The following FHL2 variants were observed in gnomAD, a reference collection of about 807,000 sequenced individuals.
The protein encoded by FHL2 is four and a half LIM domains 2.
In FHL2, 20 loss-of-function variants were observed where a neutral mutation model predicts 32.7. The observed-to-expected ratio is 0.61, with a 90% confidence interval of 0.43 to 0.89. The LOEUF is 0.89. Ranked by LOEUF, FHL2 falls within the 40% of genes least tolerant of loss-of-function variation. The probability of loss-of-function intolerance (pLI) is 0.00; values close to 1 mark genes in which losing one functional copy is unlikely to be tolerated. For synonymous variants in FHL2, 123 were observed against 128.1 expected, an observed-to-expected ratio of 0.96 and a Z score of 0.27; for missense variants, 311 against 358.6, an observed-to-expected ratio of 0.87 and a Z score of 1.07.
intron 2 of FHL2, among the ~76,000 whole-genome samples, chr2:105,391,115 G>A (rs1294970635): frequency 7.2e-5 from 11 of 152,018 alleles, no homozygotes; most frequent in Non-Finnish European, 1.6e-4. Flanking sequence ...TTACAGTCAT[G>A]AGCCACTTGC....
chr2:105,380,502 T>TA (rs1235692813), intron 3 of FHL2, among the ~76,000 whole-genome samples: 1 of 152,170 alleles, frequency 6.6e-6, no homozygotes, highest in African/African-American at 2.4e-5. Flanking sequence ...GTGCTGGAAT[T>TA]ACAGGCATGA....
In FHL2 at chr2:105,386,465, T is replaced by G; in HGVS notation, c.52A>C (p.Lys18Gln). The G allele has an allele frequency of 1.9e-6, 3 of 1,614,234 alleles. No homozygotes were observed. Among genetic ancestry groups the G allele is most frequent in the Non-Finnish European group, 2.5e-6 (3 of 1,180,038 alleles). ...GGGCTCTCCTCCCGCAGGATGTACTTCTTGCCAAAGAGAGATTCGTTGCAA... is the reference window on the plus strand; with the variant it reads ...GGGCTCTCCTCCCGCAGGATGTACTGCTTGCCAAAGAGAGATTCGTTGCAA... The part of the protein sequence containing the change: ...HHCNESLFGK[K>Q]YILREESPYC... Residue 18 changes from lysine (K) to glutamine (Q), a missense_variant, in exon 3 of 7, where the codon AAG (lysine) becomes CAG (glutamine). Physicochemically the swap from Lys to Gln is moderately conservative, Grantham distance 53. Coordinates refer to ENST00000530340, the MANE Select transcript of FHL2 (RefSeq NM_001318895.3).
intron 1 of FHL2, among the ~76,000 whole-genome samples, chr2:105,435,778 T>C (rs1684589597): frequency 6.6e-6 from 1 of 152,148 alleles, no homozygotes. Context: ...GCCGAGATTG[T>C]GCCACTGCAC....
chr2:105,428,103 G>GA (rs1684317317), intron 1 of FHL2, among the ~76,000 whole-genome samples: 2 of 152,344 alleles, frequency 1.3e-5, no homozygotes, highest in African/African-American at 4.8e-5. Context: ...GAGAACTCAT[G>GA]GTCATAAAAG....
chr2:105,399,749 C>T (rs1419901936), upstream of FHL2: 4 of 902,338 alleles, frequency 4.4e-6, no homozygotes, highest in Non-Finnish European at 4.9e-6. Context: ...TGGCACTGTT[C>T]AGCATTGTCG....
intron 1 of FHL2, among the ~76,000 whole-genome samples, chr2:105,425,499 T>C (rs918292582): frequency 6.6e-6 from 1 of 151,398 alleles, no homozygotes; most frequent in African/African-American, 2.4e-5. Context: ...CTGAGGTGGA[T>C]TAGTAAAAGA....
chr2:105,408,500 T>C (rs531731484), intron 1 of FHL2, among the ~76,000 whole-genome samples: 1 of 152,352 alleles, frequency 6.6e-6, no homozygotes, highest in African/African-American at 2.4e-5. Flanking sequence ...CTTCACAGCC[T>C]TCCCTTACGA....
intron 2 of FHL2, among the ~76,000 whole-genome samples, chr2:105,394,395 C>T (rs900556573): frequency 1.3e-5 from 2 of 151,100 alleles, no homozygotes; most frequent in Non-Finnish European, 2.9e-5. Flanking sequence ...GTGTAAGACC[C>T]GGTCTCTAAA....
At chr2:105,359,289 G>C (rs900453003), downstream of FHL2, 10 of 152,128 alleles carry the variant, frequency 6.6e-5, no homozygotes, top group African/African-American at 2.4e-4. Flanking sequence ...ATGAAATTTG[G>C]AGTGCTTTTA....
At chr2:105,370,485 TA>T (rs1680974794) in intron 4 of FHL2, among the ~76,000 whole-genome samples, 1 of 152,066 alleles carries the variant, frequency 6.6e-6, no homozygotes, top group Non-Finnish European at 1.5e-5. Context: ...CAACGTCTGC[TA>T]ATAGGGGCGC....
intron 3 of FHL2, among the ~76,000 whole-genome samples, chr2:105,383,300 A>G (rs1315838134): frequency 6.6e-6 from 1 of 152,238 alleles, no homozygotes; most frequent in Non-Finnish European, 1.5e-5. Flanking sequence ...TATCCAAGAA[A>G]AGGTTCAGGA....
At position 105,396,700 on chromosome 2, in the gene FHL2, A is replaced by G. The variant is rs1253580495; in HGVS notation, c.-75-3T>C. On this transcript the variant is annotated splice_region_variant and splice_polypyrimidine_tract_variant and intron_variant, in intron 1 of 6. Transcript: ENST00000530340. ...CAGGAAGACACAGTTCTCAGCCACT[A>G]GAGAAAGCACACGTGTTTTGTTTCA... is the stretch of plus-strand genomic sequence containing the variant. 1 of 1,612,758 alleles carries G rather than the reference A, an allele frequency of 6.2e-7. No homozygotes were observed.
chr2:105,391,418 A>G (rs1225590540), intron 2 of FHL2, among the ~76,000 whole-genome samples: 1 of 152,162 alleles, frequency 6.6e-6, no homozygotes, highest in African/African-American at 2.4e-5. Flanking sequence ...TATCTGTGCT[A>G]GGAACAGGTC....
At chr2:105,382,157 A>G (rs1480559359) in intron 3 of FHL2, among the ~76,000 whole-genome samples, 1 of 152,236 alleles carries the variant, frequency 6.6e-6, no homozygotes, top group African/African-American at 2.4e-5. Flanking sequence ...CATCACTTCA[A>G]TGTTTCCTAT....
chr2:105,372,996 G>A (rs369053663), intron 4 of FHL2, among the ~76,000 whole-genome samples: 2 of 152,162 alleles, frequency 1.3e-5, no homozygotes, highest in East Asian at 1.9e-4. Context: ...GAGGGACACA[G>A]TCCCATCAAC....
intron 1 of FHL2, among the ~76,000 whole-genome samples, chr2:105,431,508 A>G (rs1201720687): frequency 6.6e-6 from 1 of 152,230 alleles, no homozygotes; most frequent in East Asian, 1.9e-4. Context: ...AGATGCCAGC[A>G]GGTGCAAATG....
chr2:105,429,413 T>C (rs1480898086), intron 1 of FHL2, among the ~76,000 whole-genome samples: 2 of 152,144 alleles, frequency 1.3e-5, no homozygotes, highest in African/African-American at 4.8e-5. Context: ...TCCCCCAATG[T>C]AATCACCAGT....
intron 1 of FHL2, among the ~76,000 whole-genome samples, chr2:105,413,426 A>G (rs1006390668): frequency 3.3e-5 from 5 of 152,220 alleles, no homozygotes; most frequent in African/African-American, 1.2e-4. Context: ...AGCAGTTAAC[A>G]ACAAAGCTAA....
chr2:105,429,483 C>T (rs1327672266), intron 1 of FHL2, among the ~76,000 whole-genome samples: 1 of 152,106 alleles, frequency 6.6e-6, no homozygotes, highest in African/African-American at 2.4e-5. Flanking sequence ...TGTGAAGATG[C>T]TATGCTCTGG....
Sources: gnomAD v4.1 joint callset for allele counts (sites outside exome capture counted in the v4.1 genomes callset) on GRCh38, gnomAD v4.1.1 for gene constraint, MANE v1.5 for transcripts, NCBI Gene and HGNC (gene_info 2026-07-23, HGNC 2026-07-21) for gene names.